Variants in NCS1 observed in about 807,000 individuals in gnomAD.
NCS1 encodes the protein neuronal calcium sensor 1, also known as frequenin homolog.
A neutral mutation model predicts 28.4 loss-of-function variants in NCS1; 6 were observed. The ratio of observed to expected loss-of-function variants is 0.21; its 90% CI spans 0.12 to 0.42. The LOEUF is 0.42. NCS1 is among the 10% of genes least tolerant of loss of function. NCS1 has a pLI of 1.00. For missense variants in NCS1, 131 were observed against 241.4 expected (o/e 0.54, Z 3.03); for synonymous variants, 86 against 99.3 (o/e 0.87, Z 0.79).
At chr9:130,221,514 A>C (rs1730441896) in intron 4 of NCS1, among the ~76,000 whole-genome samples, 1 of 143,694 alleles carries the variant, frequency 7.0e-6, no homozygotes, top group Non-Finnish European at 1.5e-5. Context: ...GGCTTATTGC[A>C]ACCTTCGCCT....
At chr9:130,207,730 C>T (rs539533343) in intron 2 of NCS1, among the ~76,000 whole-genome samples, 5 of 152,242 alleles carry the variant, frequency 3.3e-5, no homozygotes, top group Non-Finnish European at 5.9e-5. Context: ...ATAGGAGGCC[C>T]GGGCCAGGCC....
At chr9:130,213,972 A>G (rs1266895608) in intron 2 of NCS1, among the ~76,000 whole-genome samples, 1 of 152,238 alleles carries the variant, frequency 6.6e-6, no homozygotes, top group Non-Finnish European at 1.5e-5. Context: ...AGGAAGAAGG[A>G]GCCAGACGCC....
intron 5 of NCS1, 81 bp from the exon 6 acceptor site, chr9:130,223,001 C>A: frequency 1.6e-6 from 2 of 1,254,046 alleles, no homozygotes; most frequent in Non-Finnish European, 2.3e-6. Flanking sequence ...TGGAAACTGC[C>A]AGGTCTGGGG....
At position 130,192,001 on chromosome 9, in the gene NCS1, C is replaced by T. The variant is rs1554906297; in HGVS notation, c.65-8957C>T. On this transcript the variant is annotated intron_variant, in intron 1 of 7. Transcript: ENST00000372398. This position sits in a 1 kb window ranked among gnomAD's most constrained non-coding sequence, Gnocchi z 4.8. ...GGAACGCGCGGCGAGTGGGTCAGGG[C>T]GAGGGGCTCCTGCAGCGGCTTTGCT... Among the ~76,000 whole-genome samples the T allele has an allele frequency of 2.0e-5, 3 of 152,032 alleles. No homozygotes were observed. Among genetic ancestry groups the T allele is most frequent in the East Asian group, 1.9e-4 (1 of 5,164 alleles).
chr9:130,197,859 A>T (rs1352976508), intron 1 of NCS1, among the ~76,000 whole-genome samples: 1 of 151,242 alleles, frequency 6.6e-6, no homozygotes. Flanking sequence ...GCTACTTGGG[A>T]GGCTGAGGCA....
At chr9:130,176,128 T>C (rs1041598011) in intron 1 of NCS1, among the ~76,000 whole-genome samples, 2 of 151,152 alleles carry the variant, frequency 1.3e-5, no homozygotes, top group Non-Finnish European at 3.0e-5. Context: ...AATTAATGCT[T>C]ATTTGTTCAT....
At chr9:130,190,559 A>T (rs1460532219) in intron 1 of NCS1, among the ~76,000 whole-genome samples, 1 of 152,228 alleles carries the variant, frequency 6.6e-6, no homozygotes. Flanking sequence ...TCACTCAGCC[A>T]GTCAAAGCAA....
At chr9:130,200,354 C>T in intron 1 of NCS1, 1 of 575,208 alleles carries the variant, frequency 1.7e-6, no homozygotes, top group Non-Finnish European at 3.1e-6. Context: ...TGGCTCCAGG[C>T]TCAGCCGCTC....
chr9:130,205,879 T>A (rs1437603478), intron 2 of NCS1, among the ~76,000 whole-genome samples: 2 of 151,696 alleles, frequency 1.3e-5, no homozygotes, highest in Non-Finnish European at 2.9e-5. Flanking sequence ...TTCTCTGCCC[T>A]CTGGCAGAGA....
In NCS1 at chr9:130,173,832, C is replaced by T. The variant is rs540760832; in HGVS notation, c.64+1105C>T. On this transcript the variant is annotated intron_variant, in intron 1 of 7. Coordinates refer to ENST00000372398, the MANE Select transcript of NCS1 (RefSeq NM_014286.4). ...GGTGCATTGCACAACCTCTGCTCCC[C>T]GCTTCCCCCCACTCCATCGGCCTTC... Among the ~76,000 whole-genome samples, 233 of 152,300 alleles carry T rather than the reference C, an allele frequency of 1.5e-3. 2 individuals carry two copies. Among genetic ancestry groups the T allele is most frequent in the Middle Eastern group, 0.01 (3 of 294 alleles).
At chr9:130,184,080 G>T (rs1332482906) in intron 1 of NCS1, among the ~76,000 whole-genome samples, 1 of 152,098 alleles carries the variant, frequency 6.6e-6, no homozygotes. Flanking sequence ...AAAGTGCTGG[G>T]ATTACAGGTG....
At position 130,176,768 on chromosome 9, in the gene NCS1, G is replaced by A. The variant is rs575088407; in HGVS notation, c.64+4041G>A. On this transcript the variant is annotated intron_variant, in intron 1 of 7. Coordinates refer to ENST00000372398, the MANE Select transcript of NCS1 (RefSeq NM_014286.4). Reference sequence around the variant, plus strand: ...ACTGTGTGCCAGGCATGGAGACAGAGGAGTGGACCAGAGAGATGGAATCCC... The same window carrying A: ...ACTGTGTGCCAGGCATGGAGACAGAAGAGTGGACCAGAGAGATGGAATCCC... 2.0e-5 allele frequency among the ~76,000 whole-genome samples: 3 copies of A among 152,364 alleles called. No homozygotes were observed. In the South Asian group the frequency reaches 6.2e-4, roughly 32 times the overall value.
Position 130,223,123 on chromosome 9 carries a change from G to A in NCS1, c.438G>A (p.Glu146=). The change falls in exon 6 of 8, where the codon GAG becomes GAA. Residue 146 remains glutamate, a synonymous_variant. Transcript: ENST00000372398. ...VELPEEENTP[E]KRVDRIFAMM... ...TCCCAGAGGAGGAGAACACTCCTGA[G>A]AAGAGGGTGGACCGGATCTTTGCCA... 1 of 1,600,858 alleles carries A rather than the reference G, an allele frequency of 6.2e-7. No individual in the cohort carries two copies. Among genetic ancestry groups the A allele is most frequent in the Non-Finnish European group, 8.5e-7 (1 of 1,172,684 alleles).
rs118172859 is a variant in NCS1, at chr9:130,195,548, G to A, written c.65-5410G>A. On this transcript the variant is annotated intron_variant, in intron 1 of 7. Transcript: ENST00000372398. ...CAGCAATTCTCATGCTTCAGCCTCCGTGGTAGCTGGGATTATAGGCACGCG... is the reference window on the plus strand; with the variant it reads ...CAGCAATTCTCATGCTTCAGCCTCCATGGTAGCTGGGATTATAGGCACGCG... 5.5e-4 allele frequency among the ~76,000 whole-genome samples: 84 copies of A among 151,998 alleles called. 2 individuals are homozygous for A. In the East Asian group the frequency reaches 0.013, roughly 23 times the overall value.
intron 1 of NCS1, among the ~76,000 whole-genome samples, chr9:130,184,056 C>T (rs927323423): frequency 9.2e-5 from 14 of 152,180 alleles, no homozygotes; most frequent in African/African-American, 3.1e-4. Context: ...ATTATCCACC[C>T]GCCTCGGCCT....
At chr9:130,203,239 C>T (rs1277226271) in intron 2 of NCS1, among the ~76,000 whole-genome samples, 2 of 151,758 alleles carry the variant, frequency 1.3e-5, no homozygotes, top group Non-Finnish European at 2.9e-5. Flanking sequence ...CCTGCCTCAG[C>T]CTCTCAAGTA....
Position 130,181,406 on chromosome 9 carries a change from G to T in NCS1, c.64+8679G>T, listed in dbSNP as rs1466627477. On this transcript the variant is annotated intron_variant, in intron 1 of 7. Coordinates refer to ENST00000372398, the MANE Select transcript of NCS1 (RefSeq NM_014286.4). This position sits in a 1 kb window ranked among gnomAD's most constrained non-coding sequence, Gnocchi z 5.0. ...CTGCAGCACGGGACGGTCAGGGGCT[G>T]TCACTGCGGTGAGAATCTGGTATTA... is the stretch of plus-strand genomic sequence containing the variant. Among the ~76,000 whole-genome samples the T allele has an allele frequency of 6.6e-6, 1 of 152,176 alleles. No homozygotes were observed. The highest frequency in any genetic ancestry group is 1.5e-5 in the Non-Finnish European group (1 of 68,026).
intron 1 of NCS1, among the ~76,000 whole-genome samples, chr9:130,182,570 C>T (rs1022253668): frequency 3.9e-5 from 6 of 152,226 alleles, no homozygotes; most frequent in East Asian, 1.9e-4. Flanking sequence ...TGTGGAAAGG[C>T]GGCAGGAGGA....
At position 130,198,423 on chromosome 9, in the gene NCS1, T is replaced by C. The variant is rs372910279; in HGVS notation, c.65-2535T>C. 1.1e-4 allele frequency among the ~76,000 whole-genome samples: 16 copies of C among 152,308 alleles called. No individual in the cohort carries two copies. The East Asian group carries it at 2.7e-3, about 26-fold the overall frequency. On this transcript the variant is annotated intron_variant, in intron 1 of 7. Coordinates refer to ENST00000372398, the MANE Select transcript of NCS1 (RefSeq NM_014286.4). ...GACAGTGGCCATGCCACCCAGTTCC[T>C]GCTGTTTGTGTCGAATGCTGCCACC...
Sources: gnomAD v4.1 joint callset for allele counts (sites outside exome capture counted in the v4.1 genomes callset) on GRCh38, gnomAD v4.1.1 for gene constraint, Gnocchi (gnomAD v3.1) non-coding constraint, MANE v1.5 for transcripts, NCBI Gene and HGNC (gene_info 2026-07-23, HGNC 2026-07-21) for gene names.